Variants in MYO10 observed in about 807,000 individuals in gnomAD.
MYO10 encodes the protein myosin X, also known as unconventional myosin-X.
In MYO10, 133 loss-of-function variants were observed where a neutral mutation model predicts 257.3. The observed-to-expected ratio is 0.52, with a 90% CI of 0.45 to 0.60. The LOEUF (loss-of-function observed/expected upper bound fraction) is 0.60. Among genes scored for constraint, MYO10 ranks in the 20% least tolerant of loss-of-function variants. The pLI is 0.00. For missense variants in MYO10, 2,399 were observed against 2,635.7 expected, an observed-to-expected ratio of 0.91 and a Z score of 1.97; for synonymous variants, 1,104 against 1,028.6, an observed-to-expected ratio of 1.07 and a Z score of -1.40.
chr5:16,692,136 G>A (rs1244125345), intron 27 of MYO10, among the ~76,000 whole-genome samples: 6 of 152,142 alleles, frequency 3.9e-5, no homozygotes, highest in Non-Finnish European at 8.8e-5. Flanking sequence ...TAAGGAAACT[G>A]CAGGCCAGGC....
intron 4 of MYO10, among the ~76,000 whole-genome samples, chr5:16,793,720 G>A (rs1490934527): frequency 1.3e-5 from 2 of 152,036 alleles, no homozygotes; most frequent in Admixed American, 1.3e-4. Flanking sequence ...ACCTGAGGTC[G>A]GGAGTTTAAG....
chr5:16,765,579 A>G (rs888071485), intron 11 of MYO10, among the ~76,000 whole-genome samples: 1 of 152,244 alleles, frequency 6.6e-6, no homozygotes, highest in Non-Finnish European at 1.5e-5. Flanking sequence ...AGCAGAGGCA[A>G]ATATAAATAA....
chr5:16,891,590 C>G (rs896469840), intron 1 of MYO10, among the ~76,000 whole-genome samples: 2 of 151,988 alleles, frequency 1.3e-5, no homozygotes, highest in Non-Finnish European at 2.9e-5. Flanking sequence ...CTAAAAACCA[C>G]TGAATTATAT....
intron 15 of MYO10, 97 bp from the exon 16 acceptor site, chr5:16,762,210 T>C (rs992089064): frequency 1.7e-4 from 230 of 1,381,402 alleles, no homozygotes; most frequent in Non-Finnish European, 2.0e-4. Context: ...CAAAAGACAG[T>C]GAAAATCATT....
intron 9 of MYO10, among the ~76,000 whole-genome samples, chr5:16,777,378 T>C (rs527332804): frequency 2.8e-4 from 43 of 152,330 alleles, no homozygotes; most frequent in African/African-American, 1.0e-3. Flanking sequence ...CATTTTCAAC[T>C]TAAGGAGACA....
chr5:16,829,033 C>T (rs1448606955), intron 2 of MYO10, among the ~76,000 whole-genome samples: 1 of 152,186 alleles, frequency 6.6e-6, no homozygotes, highest in Non-Finnish European at 1.5e-5. Flanking sequence ...GAAGAGTTTA[C>T]AGTCCACTGA....
intron 1 of MYO10, among the ~76,000 whole-genome samples, chr5:16,881,979 G>A (rs1394823735): frequency 6.6e-6 from 1 of 152,182 alleles, no homozygotes; most frequent in African/African-American, 2.4e-5. Context: ...TTATAAGCAG[G>A]TGGAACAAGT....
chr5:16,761,592 T>C (rs898096805), intron 16 of MYO10, 46 bp from the exon 17 acceptor site: 2 of 1,413,062 alleles, frequency 1.4e-6, no homozygotes, highest in African/African-American at 1.4e-5. Flanking sequence ...GAAAGAATAG[T>C]TTCAGGTCAT....
At chr5:16,855,745 A>G (rs1281011202) in intron 2 of MYO10, among the ~76,000 whole-genome samples, 1 of 152,220 alleles carries the variant, frequency 6.6e-6, no homozygotes, top group Admixed American at 6.5e-5. Flanking sequence ...TCAGCCAGTT[A>G]ACATCTGTCA....
At chr5:16,737,642 T>C (rs995974740) in intron 19 of MYO10, among the ~76,000 whole-genome samples, 1 of 152,170 alleles carries the variant, frequency 6.6e-6, no homozygotes, top group Non-Finnish European at 1.5e-5. Flanking sequence ...AAAATAAGAA[T>C]AAAAACCAAG....
chr5:16,764,807 G>GC (rs1740817543), intron 11 of MYO10, among the ~76,000 whole-genome samples: 1 of 152,030 alleles, frequency 6.6e-6, no homozygotes, highest in African/African-American at 2.4e-5. Context: ...TCCTGCTTCA[G>GC]CCCCCTGAGT....
chr5:16,914,361 T>C (rs114960795), intron 1 of MYO10, among the ~76,000 whole-genome samples: 1,928 of 152,258 alleles, frequency 0.013, 38 homozygotes, highest in African/African-American at 0.045. Context: ...TCTGCTGGAA[T>C]ACACTAAGAA....
intron 19 of MYO10, among the ~76,000 whole-genome samples, chr5:16,731,489 AG>A (rs1739580563): frequency 1.3e-5 from 2 of 152,042 alleles, no homozygotes; most frequent in Non-Finnish European, 2.9e-5. Flanking sequence ...TTAGGACTAC[AG>A]GTGTGTGCCA....
At chr5:16,934,633 TCTTC>T (rs1274776848) in intron 1 of MYO10, among the ~76,000 whole-genome samples, 1 of 152,226 alleles carries the variant, frequency 6.6e-6, no homozygotes, top group Non-Finnish European at 1.5e-5. Context: ...TCCTTTCTAG[TCTTC>T]CTTCCACAAT....
intron 19 of MYO10, among the ~76,000 whole-genome samples, chr5:16,731,044 C>CTTT (rs907400094): frequency 4.5e-4 from 62 of 136,940 alleles, no homozygotes; most frequent in African/African-American, 1.6e-3. Flanking sequence ...TCAAAACACA[C>CTTT]TTTTTTTTTT....
chr5:16,711,788 A>G (rs576631908), intron 19 of MYO10, among the ~76,000 whole-genome samples: 1 of 146,948 alleles, frequency 6.8e-6, no homozygotes, highest in African/African-American at 2.5e-5. Context: ...AGAAAAAAAG[A>G]AAAAAAAAAG....
At chr5:16,816,751 A>G (rs1371392962) in intron 3 of MYO10, among the ~76,000 whole-genome samples, 1 of 151,320 alleles carries the variant, frequency 6.6e-6, no homozygotes. Context: ...GGATGGTCCG[A>G]TCTCTTGATC....
chr5:16,917,957 T>C (rs1156388724), intron 1 of MYO10, among the ~76,000 whole-genome samples: 2 of 152,218 alleles, frequency 1.3e-5, no homozygotes, highest in Non-Finnish European at 2.9e-5. Flanking sequence ...ATATTTCTGC[T>C]GATCTAACCA....
intron 1 of MYO10, among the ~76,000 whole-genome samples, chr5:16,887,334 C>T (rs28499310): frequency 6.2e-4 from 95 of 152,272 alleles, no homozygotes; most frequent in African/African-American, 2.2e-3. Context: ...GGAAAAGATA[C>T]AAAGATTCAC....
Sources: gnomAD v4.1 joint callset for allele counts (sites outside exome capture counted in the v4.1 genomes callset) on GRCh38, gnomAD v4.1.1 for gene constraint, MANE v1.5 for transcripts, NCBI Gene and HGNC (gene_info 2026-07-23, HGNC 2026-07-21) for gene names.